The following MECOM variants were observed in gnomAD, a reference collection of about 807,000 sequenced individuals.
The protein encoded by MECOM is histone-lysine N-methyltransferase MECOM.
MECOM carries 13 observed loss-of-function variants against 116.3 expected under a neutral mutation model. The ratio of observed to expected loss-of-function variants is 0.11; its 90% CI spans 0.07 to 0.18. The LOEUF (loss-of-function observed/expected upper bound fraction) is 0.18, where lower values mean the gene tolerates loss of function less well. Ranked by LOEUF, MECOM falls within the 10% of genes least tolerant of loss-of-function variation. The pLI is 1.00. For missense variants in MECOM, 1,299 were observed against 1,509.0 expected (o/e 0.86, Z 2.31); for synonymous variants, 528 against 535.2 (o/e 0.99, Z 0.19).
At chr3:169,097,817 T>TAAAAAAA (rs539873617) in intron 12 of MECOM, among the ~76,000 whole-genome samples, 10 of 87,210 alleles carry the variant, frequency 1.1e-4, no homozygotes, top group African/African-American at 2.4e-4. Context: ...ACTGTCTATA[T>TAAAAAAA]AAAAAAAAAA....
chr3:169,095,279 C>T (rs774113812), intron 12 of MECOM, 34 bp from the exon 13 acceptor site: 2 of 1,580,252 alleles, frequency 1.3e-6, no homozygotes, highest in South Asian at 2.3e-5. Flanking sequence ...TATTAGCAAG[C>T]ACATTAAAAG....
At chr3:169,165,054 C>A (rs1357077718) in intron 2 of MECOM, among the ~76,000 whole-genome samples, 1 of 152,152 alleles carries the variant, frequency 6.6e-6, no homozygotes, top group African/African-American at 2.4e-5. Context: ...GAAAGTGAGT[C>A]TTAAGGTGGG....
At position 169,523,517 on chromosome 3, in the gene MECOM, T is replaced by G. The variant is rs1026732390; in HGVS notation, c.37+139819A>C. Among the ~76,000 whole-genome samples the G allele has an allele frequency of 2.0e-5, 3 of 151,976 alleles. No homozygotes were observed. The East Asian group carries it at 5.8e-4, about 29-fold the overall frequency. On this transcript the variant is annotated intron_variant, in intron 1 of 16. Transcript: ENST00000651503. ...ATTTGTGCTTTTACAAATTACATAC[T>G]GGGTTCTGTACTGCAAATGTGCTTA...
At chr3:169,286,729 A>G (rs1439062871) in intron 2 of MECOM, among the ~76,000 whole-genome samples, 1 of 152,172 alleles carries the variant, frequency 6.6e-6, no homozygotes, top group Non-Finnish European at 1.5e-5. Context: ...GTGTACAATT[A>G]AAAAACAAAC....
At position 169,127,913 on chromosome 3, in the gene MECOM, T is replaced by G; in HGVS notation, c.761A>C (p.Asn254Thr). The change falls in exon 5 of 17, where the codon AAT becomes ACT. Residue 254 changes from asparagine to threonine, a missense_variant. Physicochemically the swap from Asn to Thr is moderately conservative, Grantham distance 65. Transcript: ENST00000651503. ...GATCGTGTGTATCTCTTGGAGATCA[T>G]TCTCGCTTTCGAGTTTTTGCTGAAA... is the stretch of plus-strand genomic sequence containing the variant. ...EDFQQKLESE[N>T]DLQEIHTIQE... The G allele has an allele frequency of 6.2e-7, 1 of 1,614,110 alleles. No homozygotes were observed.
chr3:169,465,259 C>T (rs1232494982), intron 1 of MECOM, among the ~76,000 whole-genome samples: 1 of 152,116 alleles, frequency 6.6e-6, no homozygotes, highest in Non-Finnish European at 1.5e-5. Flanking sequence ...TAGCCGTGTG[C>T]CCTTGGGCAA....
intron 2 of MECOM, among the ~76,000 whole-genome samples, chr3:169,370,702 A>G (rs1050635756): frequency 1.3e-5 from 2 of 152,044 alleles, no homozygotes; most frequent in African/African-American, 4.8e-5. Flanking sequence ...TAATAAAATA[A>G]CTCAATTTAA....
chr3:169,236,668 C>T (rs1313778723), intron 2 of MECOM, among the ~76,000 whole-genome samples: 1 of 152,104 alleles, frequency 6.6e-6, no homozygotes, highest in African/African-American at 2.4e-5. Context: ...AAAGGGTCAC[C>T]CTGATTAATG....
At chr3:169,092,022 C>T (rs569064314) in intron 14 of MECOM, among the ~76,000 whole-genome samples, 1 of 152,120 alleles carries the variant, frequency 6.6e-6, no homozygotes, top group Non-Finnish European at 1.5e-5. Flanking sequence ...TACTTCTCAA[C>T]AATAGATATT....
intron 2 of MECOM, among the ~76,000 whole-genome samples, chr3:169,247,527 C>A (rs1755742615): frequency 6.6e-6 from 1 of 152,206 alleles, no homozygotes; most frequent in South Asian, 2.1e-4. Context: ...TGGTCTTGAA[C>A]TCCCGACCTC....
At chr3:169,114,575 G>A (rs908085082) in intron 8 of MECOM, among the ~76,000 whole-genome samples, 9 of 152,070 alleles carry the variant, frequency 5.9e-5, no homozygotes, top group African/African-American at 2.2e-4. Context: ...GATGTTCCAT[G>A]AACTCTTGAC....
At chr3:169,351,876 TC>T (rs1301201702) in intron 2 of MECOM, among the ~76,000 whole-genome samples, 2 of 151,862 alleles carry the variant, frequency 1.3e-5, no homozygotes, top group African/African-American at 4.8e-5. Flanking sequence ...ATTTTCCTTA[TC>T]CCTTCAATGC....
At chr3:169,159,414 C>T (rs1322011562) in intron 2 of MECOM, among the ~76,000 whole-genome samples, 2 of 152,012 alleles carry the variant, frequency 1.3e-5, no homozygotes. Context: ...AAAAAATTAG[C>T]TGGGCATGGT....
intron 9 of MECOM, among the ~76,000 whole-genome samples, chr3:169,109,077 T>C (rs776175019): frequency 1.3e-5 from 2 of 152,176 alleles, no homozygotes; most frequent in Non-Finnish European, 2.9e-5. Flanking sequence ...AAATGGGCTA[T>C]CAGTGTGAAT....
At chr3:169,436,326 C>G (rs1297989173) in intron 1 of MECOM, among the ~76,000 whole-genome samples, 1 of 149,966 alleles carries the variant, frequency 6.7e-6, no homozygotes, top group African/African-American at 2.5e-5. Flanking sequence ...TCTCCGCTCA[C>G]CACAACCTCC....
At chr3:169,622,903 C>T (rs748868903) in intron 1 of MECOM, among the ~76,000 whole-genome samples, 11 of 152,162 alleles carry the variant, frequency 7.2e-5, no homozygotes, top group East Asian at 1.9e-4. Flanking sequence ...TAAATTCCAC[C>T]TCACAATCTT....
At chr3:169,420,708 A>C (rs1392648847) in intron 1 of MECOM, among the ~76,000 whole-genome samples, 1 of 152,028 alleles carries the variant, frequency 6.6e-6, no homozygotes, top group African/African-American at 2.4e-5. Flanking sequence ...TTTACTTTCA[A>C]TTTCTCTCAA....
At chr3:169,642,832 A>T (rs1773676124) in intron 1 of MECOM, among the ~76,000 whole-genome samples, 1 of 152,082 alleles carries the variant, frequency 6.6e-6, no homozygotes, top group Admixed American at 6.5e-5. Context: ...TCCTTGGCCA[A>T]CTGAATGATT....
At chr3:169,346,331 T>C (rs1474785477) in intron 2 of MECOM, among the ~76,000 whole-genome samples, 1 of 152,094 alleles carries the variant, frequency 6.6e-6, no homozygotes, top group East Asian at 1.9e-4. Context: ...AATCTTGTGA[T>C]TTCTTTGTAA....
Sources: gnomAD v4.1 joint callset for allele counts (sites outside exome capture counted in the v4.1 genomes callset) on GRCh38, gnomAD v4.1.1 for gene constraint, MANE v1.5 for transcripts, NCBI Gene and HGNC (gene_info 2026-07-23, HGNC 2026-07-21) for gene names.